LZTS1: variants seen among roughly 807,000 people sequenced by gnomAD.
LZTS1 encodes leucine zipper putative tumor suppressor 1.
LZTS1 carries 31 observed loss-of-function variants against 45.8 expected under a neutral mutation model. That is an observed-to-expected ratio of 0.68 (90% CI 0.51 to 0.91). LZTS1 has a LOEUF of 0.91. LZTS1 is among the 40% of genes least tolerant of loss of function. The pLI is 0.00. For missense variants in LZTS1, 821 were observed against 788.9 expected, an observed-to-expected ratio of 1.04 and a Z score of -0.49; for synonymous variants, 359 against 357.3, an observed-to-expected ratio of 1.00 and a Z score of -0.05.
At chr8:20,302,610 T>A (rs573908207) in intron 1 of LZTS1, among the ~76,000 whole-genome samples, 1 of 152,002 alleles carries the variant, frequency 6.6e-6, no homozygotes, top group Non-Finnish European at 1.5e-5. Context: ...TCCAGCAGAG[T>A]GTGGGATCCT....
At chr8:20,269,175 G>A (rs1563876885) in intron 1 of LZTS1, among the ~76,000 whole-genome samples, 5 of 152,228 alleles carry the variant, frequency 3.3e-5, no homozygotes, top group Admixed American at 2.6e-4. Context: ...TCCCACGTGA[G>A]AGAGCAGAAG....
At chr8:20,297,387 G>T (rs1349830598) in intron 1 of LZTS1, among the ~76,000 whole-genome samples, 2 of 151,806 alleles carry the variant, frequency 1.3e-5, no homozygotes, top group Non-Finnish European at 2.9e-5. Flanking sequence ...CATTATCCTA[G>T]CTACATCCTA....
At position 20,246,715 on chromosome 8, in the gene LZTS1, C is replaced by G. The variant is rs1169544024; in HGVS notation, c.*3007G>C. On this transcript the variant is annotated 3_prime_UTR_variant, in exon 4 of 4. Coordinates refer to ENST00000381569, the MANE Select transcript of LZTS1 (RefSeq NM_021020.5). ...TTCACTGGGAGAGCTAGGAGGGAAC[C>G]CCGTGACAGTCCAGTCGTTCCCAGG... 6.6e-6 allele frequency: 1 copy of G among 152,574 alleles called. No homozygotes were observed. Among genetic ancestry groups the G allele is most frequent in the Non-Finnish European group, 1.5e-5 (1 of 68,386 alleles). 9.5% of individuals were successfully genotyped at this position (152,574 alleles called of 1,614,324 possible). A position where few individuals can be genotyped will look rare whatever the true frequency, so the allele number is the denominator to read the frequency against.
At chr8:20,278,915 C>T (rs370014533) in intron 1 of LZTS1, among the ~76,000 whole-genome samples, 85 of 152,324 alleles carry the variant, frequency 5.6e-4, no homozygotes, top group African/African-American at 2.0e-3. Flanking sequence ...CCCTGCAGTA[C>T]ATTCATGACC....
intron 1 of LZTS1, among the ~76,000 whole-genome samples, chr8:20,277,051 AG>A (rs1472940683): frequency 2.6e-5 from 4 of 152,212 alleles, no homozygotes; most frequent in African/African-American, 4.8e-5. Context: ...TCTAAGTCAC[AG>A]GATGAGACAG....
intron 1 of LZTS1, among the ~76,000 whole-genome samples, chr8:20,300,813 T>A (rs945248448): frequency 6.6e-6 from 1 of 152,016 alleles, no homozygotes; most frequent in Non-Finnish European, 1.5e-5. Flanking sequence ...GAGGAGTTGA[T>A]CCCTATGGTT....
chr8:20,287,316 C>G (rs1392041256), intron 1 of LZTS1, among the ~76,000 whole-genome samples: 2 of 152,264 alleles, frequency 1.3e-5, no homozygotes, highest in Admixed American at 1.3e-4. Flanking sequence ...ACTGGAGCTT[C>G]GTGCCCTGGA....
In LZTS1 at chr8:20,248,731, T is replaced by C. The variant is rs1373607469; in HGVS notation, c.*991A>G. On this transcript the variant is annotated 3_prime_UTR_variant, in exon 4 of 4. Coordinates refer to ENST00000381569, the MANE Select transcript of LZTS1 (RefSeq NM_021020.5). ...TCACATATATGCCATCTTAGTGATA[T>C]GGGCTCTTCTGGATCAAGCAAAAGC... 6.6e-6 allele frequency: 1 copy of C among 152,186 alleles called. No homozygotes were observed. Among genetic ancestry groups the C allele is most frequent in the African/African-American group, 2.4e-5 (1 of 41,428 alleles). The allele number at this position is 152,186 out of a possible 1,614,324, so 9.4% of individuals were successfully genotyped here.
At chr8:20,277,890 G>T (rs983044141) in intron 1 of LZTS1, among the ~76,000 whole-genome samples, 1 of 152,194 alleles carries the variant, frequency 6.6e-6, no homozygotes, top group Admixed American at 6.5e-5. Context: ...TGGAGGGAAG[G>T]CTGGGAGCAG....
chr8:20,296,506 C>G (rs1454699256), intron 1 of LZTS1, among the ~76,000 whole-genome samples: 1 of 152,218 alleles, frequency 6.6e-6, no homozygotes, highest in South Asian at 2.1e-4. Context: ...CTGAGCTCAC[C>G]TCAGACCATG....
intron 1 of LZTS1, among the ~76,000 whole-genome samples, chr8:20,262,101 A>G (rs1359766632): frequency 6.6e-6 from 1 of 151,670 alleles, no homozygotes; most frequent in Non-Finnish European, 1.5e-5. Flanking sequence ...TACCCCATCC[A>G]TTCCCCCCCA....
At chr8:20,254,746 C>G in intron 2 of LZTS1, 91 bp downstream of exon 2, 1 of 1,107,520 alleles carries the variant, frequency 9.0e-7, no homozygotes, top group Non-Finnish European at 1.3e-6. Context: ...GCTCAGGTCA[C>G]CACTCCCCCT....
chr8:20,263,906 AT>A (rs775946825), intron 1 of LZTS1, among the ~76,000 whole-genome samples: 3 of 152,174 alleles, frequency 2.0e-5, no homozygotes, highest in Non-Finnish European at 4.4e-5. Flanking sequence ...ATGTACAAAA[AT>A]AACCCAAGTA....
intron 1 of LZTS1, among the ~76,000 whole-genome samples, chr8:20,288,181 C>T (rs868359019): frequency 1.3e-5 from 2 of 152,286 alleles, no homozygotes; most frequent in Middle Eastern, 3.4e-3. Context: ...AGCTTGTCTT[C>T]CCACTGTCTC....
At chr8:20,297,280 C>T (rs1200037237) in intron 1 of LZTS1, among the ~76,000 whole-genome samples, 1 of 152,208 alleles carries the variant, frequency 6.6e-6, no homozygotes, top group Admixed American at 6.5e-5. Flanking sequence ...CTAATTTCAA[C>T]ATGGAGTGGA....
intron 1 of LZTS1, among the ~76,000 whole-genome samples, chr8:20,285,837 A>G (rs1291596607): frequency 6.6e-6 from 1 of 152,248 alleles, no homozygotes; most frequent in African/African-American, 2.4e-5. Flanking sequence ...AAATTGACCA[A>G]TGGAACCAAA....
chr8:20,255,001 T>G lies in LZTS1; in HGVS notation c.181A>C (p.Lys61Gln). 1 of 1,614,210 alleles carries G rather than the reference T, an allele frequency of 6.2e-7. No homozygotes were observed. Among genetic ancestry groups the G allele is most frequent in the Non-Finnish European group, 8.5e-7 (1 of 1,180,028 alleles). ...TTGATGTAGAAGAAGTCTTCGCTCTTGCCCATTTTGGAGCTGGACTTGCCG... is the reference window on the plus strand; with the variant it reads ...TTGATGTAGAAGAAGTCTTCGCTCTGGCCCATTTTGGAGCTGGACTTGCCG... ...GHGKSSSKMG[K>Q]SEDFFYIKVS... The change falls in exon 2 of 4, where the codon AAG becomes CAG. Residue 61 changes from lysine (K) to glutamine (Q), a missense_variant. Coordinates refer to ENST00000381569, the MANE Select transcript of LZTS1 (RefSeq NM_021020.5).
chr8:20,252,756 A>T, intron 3 of LZTS1, 26 bp downstream of exon 3: 1 of 1,490,860 alleles, frequency 6.7e-7, no homozygotes, highest in Non-Finnish European at 8.9e-7. Flanking sequence ...TGACCACCCA[A>T]ACCCATGAGC....
intron 1 of LZTS1, among the ~76,000 whole-genome samples, chr8:20,266,220 G>A (rs190661712): frequency 2.2e-4 from 33 of 152,142 alleles, no homozygotes; most frequent in Admixed American, 6.6e-4. Flanking sequence ...ACAGGGCAGG[G>A]CTTGCTATGT....
Sources: allele counts gnomAD v4.1 joint callset (sites outside exome capture counted in the v4.1 genomes callset), GRCh38; gene constraint gnomAD v4.1.1; transcripts MANE v1.5; gene names NCBI Gene and HGNC (gene_info 2026-07-23, HGNC 2026-07-21).